Variants in SETD2 observed in about 807,000 individuals in gnomAD.
SETD2 encodes histone-lysine N-methyltransferase SETD2.
A neutral mutation model predicts 242.1 loss-of-function variants in SETD2; 31 were observed. The ratio of observed to expected loss-of-function variants is 0.13; its 90% CI spans 0.10 to 0.17. SETD2 has a LOEUF of 0.17. Ranked by LOEUF, SETD2 falls within the 10% of genes least tolerant of loss-of-function variation. The pLI, the probability that SETD2 is intolerant of heterozygous loss-of-function variation, is 1.00. For synonymous variants in SETD2, 1,006 were observed against 1,066.5 expected (o/e 0.94, Z 1.11); for missense variants, 2,481 against 3,046.3 (o/e 0.81, Z 4.37).
At chr3:47,155,170 A>G (rs1015535033) in intron 1 of SETD2, among the ~76,000 whole-genome samples, 2 of 152,192 alleles carry the variant, frequency 1.3e-5, no homozygotes, top group Admixed American at 6.5e-5. Context: ...TAGATTGAAA[A>G]AAAAAGACAT....
intron 16 of SETD2, among the ~76,000 whole-genome samples, chr3:47,045,207 G>A (rs560872275): frequency 1.3e-5 from 2 of 152,154 alleles, no homozygotes; most frequent in South Asian, 4.2e-4. Context: ...CCAACATGGT[G>A]AAACCCCGTA....
intron 18 of SETD2, among the ~76,000 whole-genome samples, chr3:47,026,532 T>C (rs531598430): frequency 6.6e-6 from 1 of 152,238 alleles, no homozygotes; most frequent in South Asian, 2.1e-4. Flanking sequence ...CTCTTCAAAA[T>C]AGCAAAGACT....
intron 1 of SETD2, among the ~76,000 whole-genome samples, chr3:47,136,753 A>G (rs2106777811): frequency 6.6e-6 from 1 of 152,336 alleles, no homozygotes; most frequent in East Asian, 1.9e-4. Context: ...CAGGAGTTCC[A>G]GACCAGCCTG....
chr3:47,106,559 C>T lies in SETD2; in HGVS notation c.4716-439G>A, dbSNP rs541053747. Among the ~76,000 whole-genome samples the T allele has an allele frequency of 4.7e-4, 66 of 141,266 alleles. No individual in the cohort carries two copies. The South Asian group carries it at 0.01, about 22-fold the overall frequency. The allele number at this position is 141,266 out of a possible 152,430, so 92.7% of individuals were successfully genotyped here. A position where few individuals can be genotyped will look rare whatever the true frequency, so the allele number is the denominator to read the frequency against. ...GGGCGCAGAGGCTCATGCCTATAAT[C>T]CCAGCACTTTGGGAGGTAGAGGCGG... On this transcript the variant is annotated intron_variant, in intron 5 of 20. Coordinates refer to ENST00000409792, the MANE Select transcript of SETD2 (RefSeq NM_014159.7).
intron 5 of SETD2, among the ~76,000 whole-genome samples, chr3:47,111,180 G>C (rs2107711278): frequency 6.8e-6 from 1 of 148,016 alleles, no homozygotes; most frequent in Middle Eastern, 3.5e-3. Context: ...GTCTGGACTA[G>C]AACTAGTGAT....
At chr3:47,114,407 T>C (rs966878582) in intron 4 of SETD2, among the ~76,000 whole-genome samples, 1 of 152,246 alleles carries the variant, frequency 6.6e-6, no homozygotes, top group Non-Finnish European at 1.5e-5. Flanking sequence ...TGCAGCTAAC[T>C]ACTTGATCTA....
At chr3:47,091,964 G>A (rs896561456) in intron 9 of SETD2, among the ~76,000 whole-genome samples, 4 of 151,774 alleles carry the variant, frequency 2.6e-5, no homozygotes, top group African/African-American at 9.7e-5. Flanking sequence ...CAAAAAAAAA[G>A]AGGTATTTTC....
intron 18 of SETD2, among the ~76,000 whole-genome samples, chr3:47,020,058 T>G (rs2038151446): frequency 6.6e-6 from 1 of 152,130 alleles, no homozygotes; most frequent in East Asian, 1.9e-4. Context: ...TCTTATAAGT[T>G]AAGTTCCAAT....
At chr3:47,048,811 G>A (rs1449043016) in intron 15 of SETD2, among the ~76,000 whole-genome samples, 1 of 151,662 alleles carries the variant, frequency 6.6e-6, no homozygotes, top group Admixed American at 6.6e-5. Flanking sequence ...GGGACTACAG[G>A]TGCGTGCCAC....
At chr3:47,156,155 G>C (rs2044122621) in intron 1 of SETD2, among the ~76,000 whole-genome samples, 1 of 152,204 alleles carries the variant, frequency 6.6e-6, no homozygotes, top group Admixed American at 6.5e-5. Context: ...CTCAAACCCA[G>C]GCTGGCCATC....
Position 47,042,692 on chromosome 3 carries a change from C to A in SETD2, c.7107G>T (p.Met2369Ile), listed in dbSNP as rs1213736696. ...GATCCAAGAGATTATTTGTCACAACCATTTCAGACTACAAAGAAAACACAC... is the reference window on the plus strand; with the variant it reads ...GATCCAAGAGATTATTTGTCACAACAATTTCAGACTACAAAGAAAACACAC... ...GQPQPLQPSE[M>I]VVTNNLLDLP... The change falls in exon 17 of 21, where the codon ATG becomes ATT. Residue 2369 changes from methionine (M) to isoleucine (I), a missense_variant. Physicochemically the swap from Met to Ile is conservative, Grantham distance 10. This residue lies in a region of SETD2 where 235 missense variants were observed against 293.9 expected (regional missense o/e 0.80). Transcript: ENST00000409792. The A allele has an allele frequency of 6.2e-7, 1 of 1,603,310 alleles. No homozygotes were observed. The highest frequency in any genetic ancestry group is 1.1e-5 in the South Asian group (1 of 89,498).
intron 5 of SETD2, among the ~76,000 whole-genome samples, chr3:47,109,883 G>A (rs1161479642): frequency 6.6e-6 from 1 of 151,786 alleles, no homozygotes; most frequent in African/African-American, 2.4e-5. Flanking sequence ...CTACTCAGGA[G>A]GCTGAGGCAG....
At chr3:47,036,622 G>A (rs1371799714) in intron 18 of SETD2, among the ~76,000 whole-genome samples, 2 of 152,048 alleles carry the variant, frequency 1.3e-5, no homozygotes, top group African/African-American at 2.4e-5. Flanking sequence ...GCAAAGAGAG[G>A]CCGGGCGTGG....
At chr3:47,038,539 T>G (rs1164701468) in intron 17 of SETD2, among the ~76,000 whole-genome samples, 1 of 151,692 alleles carries the variant, frequency 6.6e-6, no homozygotes, top group East Asian at 1.9e-4. Context: ...AACTTCAACC[T>G]GGGAGGCGGA....
rs1372227656 is a variant in SETD2, at chr3:47,120,328, T to A, written c.4308A>T (p.Thr1436=). 2 of 1,613,832 alleles carry A rather than the reference T, an allele frequency of 1.2e-6. No homozygotes were observed. Among genetic ancestry groups the A allele is most frequent in the African/African-American group, 2.7e-5 (2 of 74,922 alleles). ...KVRVEVEQGE[T]SVPPGSALVG... ...CCAGTGCTGAACCTGGGGGCACTGA[T>A]GTCTCTCCCTGCTCTACCTCCACTC... Residue 1436 remains threonine, a synonymous_variant, in exon 3 of 21, where the codon ACA becomes ACT. Transcript: ENST00000409792.
At position 47,122,928 on chromosome 3, in the gene SETD2, T is replaced by C. The variant is rs2043161885; in HGVS notation, c.1708A>G (p.Lys570Glu). ...AATTCTGTACAACAGAAAGAATTTTTAAATTTATCAGACTTGGGTATAGGT... is the reference window on the plus strand; with the variant it reads ...AATTCTGTACAACAGAAAGAATTTTCAAATTTATCAGACTTGGGTATAGGT... ...SKPIPKSDKF[K>E]NSFCCTELNE... is the part of the protein sequence containing the mutation. Residue 570 changes from lysine (K) to glutamate (E), a missense_variant, in exon 3 of 21, where the codon AAA becomes GAA. By Grantham distance (56) the Lys-to-Glu change is moderately conservative. Transcript: ENST00000409792. 1 of 1,610,652 alleles carries C rather than the reference T, an allele frequency of 6.2e-7. No homozygotes were observed. Among genetic ancestry groups the C allele is most frequent in the South Asian group, 1.1e-5 (1 of 90,528 alleles).
At chr3:47,035,725 C>T (rs1395805280) in intron 18 of SETD2, among the ~76,000 whole-genome samples, 1 of 152,306 alleles carries the variant, frequency 6.6e-6, no homozygotes, top group African/African-American at 2.4e-5. Flanking sequence ...GCTTTATAAA[C>T]TTGGCCCCAG....
Position 47,018,305 on chromosome 3 carries a change from GCTGT to G in SETD2, c.7432-570_7432-567del, listed in dbSNP as rs368999192. ...CCACCACTTACTATGTCCTCCCTGG[GCTGT>G]CTAAGTATGGTCTGTCCTACCCAGG... On this transcript the variant is annotated intron_variant, in intron 19 of 20. Coordinates refer to ENST00000409792, the MANE Select transcript of SETD2 (RefSeq NM_014159.7). Among the ~76,000 whole-genome samples the G allele has an allele frequency of 1.3e-3, 191 of 152,272 alleles. 3 individuals carry two copies. In the South Asian group the frequency reaches 0.038, roughly 30 times the overall value.
intron 14 of SETD2, 72 bp from the exon 15 acceptor site, chr3:47,057,562 T>A: frequency 8.8e-7 from 1 of 1,130,048 alleles, no homozygotes; most frequent in Non-Finnish European, 1.3e-6. Context: ...TAATAAGTAT[T>A]ATGTCACTCA....
Sources: allele counts gnomAD v4.1 joint callset (sites outside exome capture counted in the v4.1 genomes callset), GRCh38; gene constraint gnomAD v4.1.1; regional missense constraint gnomAD v4.1.1; transcripts MANE v1.5; gene names NCBI Gene and HGNC (gene_info 2026-07-23, HGNC 2026-07-21).